AGK: variants seen among roughly 807,000 people sequenced by gnomAD.
The protein encoded by AGK is acylglycerol kinase, mitochondrial.
Under a neutral mutation model 66.4 loss-of-function variants are expected in AGK, and 52 were observed. The ratio of observed to expected loss-of-function variants is 0.78; its 90% confidence interval spans 0.63 to 0.99. The LOEUF (loss-of-function observed/expected upper bound fraction) is 0.99, where lower values mean the gene tolerates loss of function less well. Ranked by LOEUF, AGK falls within the 50% of genes least tolerant of loss-of-function variation. AGK has a pLI of 0.00. For missense variants in AGK, 451 were observed against 506.6 expected (o/e 0.89, Z 1.05); for synonymous variants, 182 against 181.1 (o/e 1.00, Z -0.04).
chr7:141,555,491 C>G lies in AGK; in HGVS notation c.25C>G (p.Arg9Gly). ...GATGACGGTGTTCTTTAAAACGCTT[C>G]GAAATCACTGGAAGAAAACTACAGC... MTVFFKTL[R>G]NHWKKTTAGL... The change falls in exon 2 of 16, where the codon CGA (arginine) becomes GGA (glycine). Residue 9 changes from arginine to glycine, a missense_variant. Physicochemically the swap from Arg to Gly is moderately radical, Grantham distance 125 (BLOSUM62 -2). Coordinates refer to ENST00000649286, the MANE Select transcript of AGK (RefSeq NM_018238.4). The surrounding 1 kb of genome is among the most constrained non-coding windows in gnomAD (Gnocchi z 4.2). 1.2e-6 allele frequency: 2 copies of G among 1,614,006 alleles called. No individual in the cohort carries two copies. Among genetic ancestry groups the G allele is most frequent in the East Asian group, 2.2e-5 (1 of 44,878 alleles).
chr7:141,623,102 T>C (rs954308098), intron 9 of AGK, among the ~76,000 whole-genome samples: 5 of 151,830 alleles, frequency 3.3e-5, no homozygotes, highest in Non-Finnish European at 7.4e-5. Context: ...AAGTGTGGCC[T>C]GGTGCAGTGG....
chr7:141,587,681 C>T (rs150211027), intron 2 of AGK, among the ~76,000 whole-genome samples: 1 of 152,256 alleles, frequency 6.6e-6, no homozygotes, highest in East Asian at 1.9e-4. Flanking sequence ...ATGTCATATC[C>T]TGTAAAAAGC....
chr7:141,631,739 T>C (rs1446403454), intron 9 of AGK, among the ~76,000 whole-genome samples: 1 of 152,102 alleles, frequency 6.6e-6, no homozygotes, highest in East Asian at 1.9e-4. Context: ...GGTCAGGAAT[T>C]AGAGCATGTC....
intron 2 of AGK, among the ~76,000 whole-genome samples, chr7:141,568,097 T>G (rs2116870346): frequency 6.6e-6 from 1 of 152,326 alleles, no homozygotes; most frequent in East Asian, 1.9e-4. Flanking sequence ...GTGCTGCTGG[T>G]GACTGGGTTG....
chr7:141,609,551 C>T (rs1203569327), intron 5 of AGK, among the ~76,000 whole-genome samples: 1 of 152,196 alleles, frequency 6.6e-6, no homozygotes, highest in Non-Finnish European at 1.5e-5. Context: ...AGGTGTGCCT[C>T]CTCTCAACAC....
At chr7:141,601,148 T>C in intron 4 of AGK, 57 bp from the exon 5 acceptor site, 1 of 1,322,904 alleles carries the variant, frequency 7.6e-7, no homozygotes, top group Non-Finnish European at 1.1e-6. Context: ...TAAGGCTTTT[T>C]GTTCTTGCTC....
At chr7:141,587,254 C>G (rs1796012485) in intron 2 of AGK, among the ~76,000 whole-genome samples, 1 of 152,114 alleles carries the variant, frequency 6.6e-6, no homozygotes, top group Admixed American at 6.5e-5. Context: ...TCTCTGTGTC[C>G]CCTCTGCCAC....
Position 141,597,608 on chromosome 7 carries a change from C to T in AGK, c.221+967C>T, listed in dbSNP as rs537571589. Among the ~76,000 whole-genome samples the T allele has an allele frequency of 1.2e-3, 183 of 152,022 alleles. 1 individual carries two copies. The highest frequency in any genetic ancestry group is 4.1e-3 in the African/African-American group (171 of 41,426). Reference sequence around the variant, plus strand: ...TTAGCAGTTTGGGTGCAGTGGTTCACGCCTGTAATCGCAGCACTTTGAGAG... The same window carrying T: ...TTAGCAGTTTGGGTGCAGTGGTTCATGCCTGTAATCGCAGCACTTTGAGAG... On this transcript the variant is annotated intron_variant, in intron 4 of 15. Coordinates refer to ENST00000649286, the MANE Select transcript of AGK (RefSeq NM_018238.4).
intron 2 of AGK, among the ~76,000 whole-genome samples, chr7:141,564,926 C>T (rs1362985800): frequency 6.6e-6 from 1 of 152,062 alleles, no homozygotes; most frequent in Admixed American, 6.5e-5. Flanking sequence ...GGGGTTTCTC[C>T]ATGTTGGTCA....
At chr7:141,560,799 T>C (rs184650383) in intron 2 of AGK, among the ~76,000 whole-genome samples, 2,446 of 147,914 alleles carry the variant, frequency 0.017, 89 homozygotes, top group African/African-American at 0.055. Context: ...TTCTTTCTTT[T>C]TTTTTTTTTT....
chr7:141,622,267 C>G (rs939076868), intron 9 of AGK, among the ~76,000 whole-genome samples: 1 of 152,094 alleles, frequency 6.6e-6, no homozygotes, highest in Non-Finnish European at 1.5e-5. Flanking sequence ...ATTTTAACTA[C>G]TTTTTGATTT....
In AGK at chr7:141,655,009, T is replaced by C. The variant is rs1797661132; in HGVS notation, c.*2085T>C. On this transcript the variant is annotated 3_prime_UTR_variant, in exon 16 of 16. Transcript: ENST00000649286. ...CCACAGGTAGGGAGGAAGGATGCTG[T>C]AGTATATGAAAACAAAAGTTTTCAC... 6.6e-6 allele frequency: 1 copy of C among 152,182 alleles called. No homozygotes were observed. Among genetic ancestry groups the C allele is most frequent in the Non-Finnish European group, 1.5e-5 (1 of 68,032 alleles). 9.4% of individuals were successfully genotyped at this position (152,182 alleles called of 1,614,324 possible).
chr7:141,647,329 C>T (rs1458769682), intron 13 of AGK, among the ~76,000 whole-genome samples: 2 of 152,204 alleles, frequency 1.3e-5, no homozygotes, highest in Non-Finnish European at 1.5e-5. Context: ...AAGCCAGCTT[C>T]CTCGCCATGG....
intron 2 of AGK, among the ~76,000 whole-genome samples, chr7:141,579,637 C>T (rs1795840874): frequency 6.6e-6 from 1 of 151,772 alleles, no homozygotes; most frequent in South Asian, 2.1e-4. Flanking sequence ...CTGAACAATC[C>T]CTGAGGAGTA....
At chr7:141,562,405 A>G (rs1342916321) in intron 2 of AGK, among the ~76,000 whole-genome samples, 4 of 152,338 alleles carry the variant, frequency 2.6e-5, no homozygotes, top group Admixed American at 2.0e-4. Flanking sequence ...GGGTGGGGCC[A>G]TAAAGCTCCC....
intron 11 of AGK, 149 bp downstream of exon 11, chr7:141,637,166 T>C: frequency 1.6e-6 from 1 of 629,956 alleles, no homozygotes. Context: ...TAAATACAAA[T>C]ATAGAACGCA....
intron 2 of AGK, among the ~76,000 whole-genome samples, chr7:141,572,806 G>A (rs189592721): frequency 4.6e-5 from 7 of 152,250 alleles, no homozygotes; most frequent in East Asian, 3.9e-4. Context: ...CAGGCTATGG[G>A]GGGGGGAAAT....
intron 9 of AGK, among the ~76,000 whole-genome samples, chr7:141,632,757 T>C (rs943132030): frequency 6.6e-6 from 1 of 152,246 alleles, no homozygotes; most frequent in Non-Finnish European, 1.5e-5. Context: ...CCCTTGTCCC[T>C]TACTAAAGCA....
chr7:141,597,890 C>CAAAAAAAAAAAAAAAAAA (rs56295907), intron 4 of AGK, among the ~76,000 whole-genome samples: 2 of 71,444 alleles, frequency 2.8e-5, no homozygotes, highest in Non-Finnish European at 5.0e-5. Context: ...GACTCTGTCT[C>CAAAAAAAAAAAAAAAAAA]AAAAAAAAAA....
Sources: gnomAD v4.1 joint callset for allele counts (sites outside exome capture counted in the v4.1 genomes callset) on GRCh38, gnomAD v4.1.1 for gene constraint, Gnocchi (gnomAD v3.1) non-coding constraint, MANE v1.5 for transcripts, NCBI Gene and HGNC (gene_info 2026-07-23, HGNC 2026-07-21) for gene names.